KCNN2: variants seen among roughly 807,000 people sequenced by gnomAD.
KCNN2 encodes small conductance calcium-activated potassium channel protein 2.
A neutral mutation model predicts 55.5 loss-of-function variants in KCNN2; 24 were observed. That is an observed-to-expected ratio of 0.43 (90% CI 0.31 to 0.61). The LOEUF is 0.61. Among genes scored for constraint, KCNN2 ranks in the 20% least tolerant of loss-of-function variants. The pLI, the probability that KCNN2 is intolerant of heterozygous loss-of-function variation, is 0.08. For synonymous variants in KCNN2, 431 were observed against 336.1 expected (o/e 1.28, Z -3.09); for missense variants, 754 against 853.6 (o/e 0.88, Z 1.45).
intron 1 of KCNN2, among the ~76,000 whole-genome samples, chr5:114,124,689 A>G (rs550152176): frequency 2.0e-5 from 3 of 152,248 alleles, no homozygotes; most frequent in Non-Finnish European, 2.9e-5. Context: ...GGATGGCACA[A>G]TTGCTGTCTC....
At chr5:114,455,478 G>A (rs965088701) in intron 3 of KCNN2, among the ~76,000 whole-genome samples, 1 of 152,096 alleles carries the variant, frequency 6.6e-6, no homozygotes, top group Non-Finnish European at 1.5e-5. Flanking sequence ...CTTTTATCTG[G>A]CTTTCCTATT....
intron 1 of KCNN2, among the ~76,000 whole-genome samples, chr5:114,165,168 T>C (rs1752882442): frequency 1.3e-5 from 2 of 152,168 alleles, no homozygotes; most frequent in African/African-American, 4.8e-5. Flanking sequence ...TACTTACATG[T>C]GGAGTTTTTT....
chr5:114,182,013 CA>C (rs55837615), intron 1 of KCNN2, among the ~76,000 whole-genome samples: 108,783 of 150,550 alleles, frequency 0.72, 39,293 homozygotes, highest in East Asian at 0.87. Context: ...GAAGCTGTGT[CA>C]AAAAAAAAAA....
At chr5:114,317,109 A>G (rs147948697) in intron 2 of KCNN2, among the ~76,000 whole-genome samples, 33 of 151,956 alleles carry the variant, frequency 2.2e-4, no homozygotes, top group African/African-American at 7.5e-4. Context: ...GTGAACTTCT[A>G]CTGGCCCTAT....
chr5:114,322,432 A>G (rs1290518309), intron 2 of KCNN2, among the ~76,000 whole-genome samples: 2 of 152,228 alleles, frequency 1.3e-5, no homozygotes, highest in African/African-American at 4.8e-5. Flanking sequence ...CAAATCTCAT[A>G]TAGTCATATC....
At chr5:114,162,905 C>A (rs1236309594) in intron 1 of KCNN2, among the ~76,000 whole-genome samples, 1 of 152,164 alleles carries the variant, frequency 6.6e-6, no homozygotes, top group Non-Finnish European at 1.5e-5. Context: ...TCTGTCACCC[C>A]TTTCCTTGAC....
At position 114,496,017 on chromosome 5, in the gene KCNN2, T is replaced by G; in HGVS notation, c.2211T>G (p.Pro737=). Residue 737 remains proline, a synonymous_variant, in exon 8 of 8, where the codon CCT becomes CCG. Coordinates refer to ENST00000673685, the MANE Select transcript of KCNN2 (RefSeq NM_021614.4). Reference sequence around the variant, plus strand: ...TGATTGGTAGCATCCACGCCCTCCCTGGGCTCATAAGCCAGACCATCAGGC... The same window carrying G: ...TGATTGGTAGCATCCACGCCCTCCCGGGGCTCATAAGCCAGACCATCAGGC... ...ETLIGSIHAL[P]GLISQTIRQQ... is the part of the protein sequence containing the mutation. 1 of 1,614,084 alleles carries G rather than the reference T, an allele frequency of 6.2e-7. No homozygotes were observed. The highest frequency in any genetic ancestry group is 8.5e-7 in the Non-Finnish European group (1 of 1,179,972).
chr5:114,246,991 A>G (rs1754759229), intron 2 of KCNN2, among the ~76,000 whole-genome samples: 1 of 151,810 alleles, frequency 6.6e-6, no homozygotes, highest in African/African-American at 2.4e-5. Flanking sequence ...GTTAGATTAT[A>G]TCACTTGCTG....
intron 1 of KCNN2, among the ~76,000 whole-genome samples, chr5:114,074,494 A>G (rs910619094): frequency 2.6e-5 from 4 of 152,224 alleles, no homozygotes; most frequent in Non-Finnish European, 5.9e-5. Flanking sequence ...TGCTCGAAAG[A>G]ACAGATTAAT....
chr5:114,322,369 T>G (rs1228535292), intron 2 of KCNN2, among the ~76,000 whole-genome samples: 2 of 152,240 alleles, frequency 1.3e-5, no homozygotes, highest in Non-Finnish European at 2.9e-5. Flanking sequence ...TTTTTCTTAA[T>G]GTATTCTCTG....
chr5:114,166,093 TGTTA>T lies in KCNN2; in HGVS notation c.-270-55381_-270-55378del, dbSNP rs374263969. On this transcript the variant is annotated intron_variant, in intron 1 of 10. Transcript: ENST00000512097. ...TTTTAGTAGAAATGGGGTTTCACCG[TGTTA>T]GTTAGGATGGTCTCAATGTCCTGAC... is the stretch of plus-strand genomic sequence containing the variant. 3.8e-4 allele frequency among the ~76,000 whole-genome samples: 58 copies of T among 152,202 alleles called. No homozygotes were observed. The East Asian group carries it at 0.01, about 27-fold the overall frequency.
At chr5:114,074,293 CGT>C (rs371882287) in intron 1 of KCNN2, among the ~76,000 whole-genome samples, 14,628 of 144,432 alleles carry the variant, frequency 0.1, 916 homozygotes, top group East Asian at 0.37. Flanking sequence ...GCCATGTTTG[CGT>C]GTGTGTGTGT....
intron 2 of KCNN2, among the ~76,000 whole-genome samples, chr5:114,225,008 G>T (rs1370426107): frequency 6.6e-6 from 1 of 152,172 alleles, no homozygotes; most frequent in Non-Finnish European, 1.5e-5. Context: ...AGCAAGAATT[G>T]CCTGAGAAAA....
chr5:114,261,896 T>G (rs1420061431), intron 2 of KCNN2, among the ~76,000 whole-genome samples: 3 of 152,152 alleles, frequency 2.0e-5, no homozygotes, highest in African/African-American at 4.8e-5. Context: ...GGGCACATGG[T>G]GATGATTGCC....
At chr5:114,376,757 C>T (rs2150054150) in intron 2 of KCNN2, among the ~76,000 whole-genome samples, 1 of 152,248 alleles carries the variant, frequency 6.6e-6, no homozygotes, top group East Asian at 1.9e-4. Flanking sequence ...TGTACTTTTC[C>T]TTACCGAGGA....
intron 2 of KCNN2, among the ~76,000 whole-genome samples, chr5:114,287,510 A>C (rs538670099): frequency 2.0e-5 from 3 of 151,736 alleles, no homozygotes; most frequent in Admixed American, 1.3e-4. Context: ...AGAAAACCAA[A>C]CATCACATGT....
At chr5:114,135,083 C>T (rs1752148279) in intron 1 of KCNN2, among the ~76,000 whole-genome samples, 1 of 152,108 alleles carries the variant, frequency 6.6e-6, no homozygotes, top group African/African-American at 2.4e-5. Flanking sequence ...ACGTCAGAAG[C>T]ATTTTAAGAA....
chr5:114,128,502 C>T (rs958093444), intron 1 of KCNN2, among the ~76,000 whole-genome samples: 2 of 152,162 alleles, frequency 1.3e-5, no homozygotes, highest in Non-Finnish European at 2.9e-5. Flanking sequence ...ATGGGAACTA[C>T]AATTCAAGAT....
chr5:114,200,753 G>T (rs912258436), intron 1 of KCNN2, among the ~76,000 whole-genome samples: 1 of 151,950 alleles, frequency 6.6e-6, no homozygotes, highest in Non-Finnish European at 1.5e-5. Context: ...GATAGTTGCC[G>T]TAGTGTGATA....
Sources: gnomAD v4.1 joint callset for allele counts (sites outside exome capture counted in the v4.1 genomes callset) on GRCh38, gnomAD v4.1.1 for gene constraint, MANE v1.5 for transcripts, NCBI Gene and HGNC (gene_info 2026-07-23, HGNC 2026-07-21) for gene names.